The following RPSA2 variants were observed in gnomAD, a reference collection of about 807,000 sequenced individuals.
RPSA2 encodes the protein small ribosomal subunit protein uS2B.
chr19:23,823,444 C>T, the RPSA2 span, among the ~76,000 whole-genome samples: 1 of 152,162 alleles, frequency 6.6e-6, no homozygotes, highest in African/African-American at 2.4e-5. Flanking sequence ...CCACAATTCT[C>T]TCAGAGCGCA....
the RPSA2 span, among the ~76,000 whole-genome samples, chr19:23,830,743 T>TA: frequency 6.6e-6 from 1 of 152,158 alleles, no homozygotes; most frequent in Admixed American, 6.5e-5. Flanking sequence ...TATTACCAAT[T>TA]ATTAAAAGTA....
chr19:23,797,105 A>T, the RPSA2 span, among the ~76,000 whole-genome samples: 1,780 of 151,360 alleles, frequency 0.012, 36 homozygotes, highest in African/African-American at 0.04. Flanking sequence ...ATTTTTATTT[A>T]TATTTATTTA....
chr19:23,841,227 G>A, the RPSA2 span, among the ~76,000 whole-genome samples: 3 of 151,992 alleles, frequency 2.0e-5, no homozygotes, highest in African/African-American at 7.2e-5. Flanking sequence ...TTATTTGGGA[G>A]GCCGAGGCAG....
At chr19:23,870,671 A>AACAT in the RPSA2 span, among the ~76,000 whole-genome samples, 1 of 152,188 alleles carries the variant, frequency 6.6e-6, no homozygotes, top group African/African-American at 2.4e-5. Context: ...TAGTTCTGGG[A>AACAT]ATAATGTTGT....
the RPSA2 span, among the ~76,000 whole-genome samples, chr19:23,816,810 C>G: frequency 6.6e-6 from 1 of 152,162 alleles, no homozygotes; most frequent in Non-Finnish European, 1.5e-5. Flanking sequence ...TGCAGAAAAA[C>G]TCTGCCTTAT....
At chr19:23,851,453 C>A in the RPSA2 span, among the ~76,000 whole-genome samples, 19 of 152,246 alleles carry the variant, frequency 1.2e-4, no homozygotes, top group East Asian at 3.7e-3. Context: ...GGTATGAGAT[C>A]TAATATGTGA....
chr19:23,802,332 C>T, the RPSA2 span, among the ~76,000 whole-genome samples: 1 of 152,148 alleles, frequency 6.6e-6, no homozygotes, highest in Non-Finnish European at 1.5e-5. Context: ...TGTTATTGTC[C>T]AAAAGCTAGC....
At chr19:23,832,408 A>G in the RPSA2 span, 2 of 506,756 alleles carry the variant, frequency 3.9e-6, no homozygotes, top group African/African-American at 2.0e-5. Context: ...AGAATGTGGC[A>G]AAGCATTAAT....
chr19:23,836,412 C>T, the RPSA2 span, among the ~76,000 whole-genome samples: 2 of 152,026 alleles, frequency 1.3e-5, no homozygotes, highest in Admixed American at 1.3e-4. Flanking sequence ...TTTATCCACT[C>T]GTTGATTGAT....
chr19:23,866,993 G>A, the RPSA2 span, among the ~76,000 whole-genome samples: 1 of 152,060 alleles, frequency 6.6e-6, no homozygotes, highest in African/African-American at 2.4e-5. Flanking sequence ...TTTGAACCAG[G>A]GGAATATATA....
chr19:23,792,633 G>T, the RPSA2 span, among the ~76,000 whole-genome samples: 4 of 147,610 alleles, frequency 2.7e-5, no homozygotes, highest in East Asian at 7.9e-4. Context: ...CACCCAGGCA[G>T]CCTCCTGAGT....
the RPSA2 span, among the ~76,000 whole-genome samples, chr19:23,822,205 A>T: frequency 6.6e-6 from 1 of 152,172 alleles, no homozygotes; most frequent in Non-Finnish European, 1.5e-5. Flanking sequence ...TCCCTCAATC[A>T]TTGCAGCTGT....
chr19:23,832,830 CA>C, the RPSA2 span: 2 of 1,569,932 alleles, frequency 1.3e-6, no homozygotes, highest in African/African-American at 1.4e-5. Flanking sequence ...GCAAAGCTTT[CA>C]GCCAGTCCTC....
chr19:23,838,008 C>T, the RPSA2 span, among the ~76,000 whole-genome samples: 1 of 152,220 alleles, frequency 6.6e-6, no homozygotes, highest in Admixed American at 6.5e-5. Context: ...AGTGGGCACC[C>T]TTGTCTTGTT....
the RPSA2 span, among the ~76,000 whole-genome samples, chr19:23,781,757 AC>A: frequency 6.6e-6 from 1 of 152,074 alleles, no homozygotes; most frequent in Non-Finnish European, 1.5e-5. Context: ...TCATCCCTTG[AC>A]TCAGGACATG....
At chr19:23,824,781 T>TCTTTATTTTCTATTTTCATTTCC in the RPSA2 span, among the ~76,000 whole-genome samples, 1 of 151,608 alleles carries the variant, frequency 6.6e-6, no homozygotes, top group Non-Finnish European at 1.5e-5. Flanking sequence ...ATTTTCATCT[T>TCTTTATTTTCTATTTTCATTTCC]CTTTTTAAAG....
At chr19:23,857,023 G>T in the RPSA2 span, among the ~76,000 whole-genome samples, 1 of 152,100 alleles carries the variant, frequency 6.6e-6, no homozygotes, top group Non-Finnish European at 1.5e-5. Flanking sequence ...AAGCCTGAGG[G>T]TACTGCAGGA....
the RPSA2 span, among the ~76,000 whole-genome samples, chr19:23,789,269 G>A: frequency 6.6e-6 from 1 of 152,124 alleles, no homozygotes; most frequent in Middle Eastern, 3.2e-3. Flanking sequence ...CCAAAGGGCT[G>A]AGATAACTGG....
the RPSA2 span, among the ~76,000 whole-genome samples, chr19:23,792,547 G>A: frequency 5.4e-5 from 8 of 149,344 alleles, no homozygotes; most frequent in Non-Finnish European, 1.0e-4. Context: ...AAGGAGTATT[G>A]CAACAGGAGA....
Sources: gnomAD v4.1 joint callset for allele counts (sites outside exome capture counted in the v4.1 genomes callset) on GRCh38, gnomAD v4.1.1 for gene constraint, MANE v1.5 for transcripts, NCBI Gene and HGNC (gene_info 2026-07-23, HGNC 2026-07-21) for gene names.